KLHL4: variants seen among roughly 807,000 people sequenced by gnomAD.
The protein encoded by KLHL4 is kelch like family member 4.
Under a neutral mutation model 45.8 loss-of-function variants are expected in KLHL4, and 17 were observed. That is an observed-to-expected ratio of 0.37 (90% CI 0.25 to 0.56). KLHL4 has a LOEUF of 0.56. Ranked by LOEUF, KLHL4 falls within the 20% of genes least tolerant of loss-of-function variation. The pLI is 0.79. For synonymous variants in KLHL4, 224 were observed against 189.9 expected (o/e 1.18, Z -1.47); for missense variants, 544 against 544.9 (o/e 1.00, Z 0.02).
intron 1 of KLHL4, among the ~76,000 whole-genome samples, chrX:87,539,736 C>T (rs1931511730): frequency 9.0e-6 from 1 of 110,980 alleles, no homozygotes; most frequent in Non-Finnish European, 1.9e-5. Flanking sequence ...TAATGCACAT[C>T]CTAACATGCA....
In KLHL4 at chrX:87,668,176, C is replaced by T. The variant is rs1924435372; in HGVS notation, c.*1642C>T. 1 of 747,827 alleles carries T rather than the reference C, an allele frequency of 1.3e-6. No individual in the cohort carries two copies. The highest frequency in any genetic ancestry group is 2.3e-5 in the African/African-American group (1 of 43,199). 61.6% of individuals were successfully genotyped at this position (747,827 alleles called of 1,213,427 possible). On this transcript the variant is annotated 3_prime_UTR_variant, in exon 11 of 11. Transcript: ENST00000373119. ...AGCCCTGTTAGGTCTTTTGAATTCA[C>T]ACCTTATTGAAATCAGTGTAGAAGT...
At position 87,614,457 on chromosome X, in the gene KLHL4, A is replaced by G; in HGVS notation, c.614A>G (p.Asp205Gly). ...AHRLVLSAVS[D>G]YFAAMFTNDV... ...AGGTTGGTTCTCAGCGCAGTGTCTG[A>G]TTATTTTGCTGCAATGTTTACTAAT... Residue 205 changes from aspartate to glycine, a missense_variant, in exon 3 of 11, where the codon GAT becomes GGT. Physicochemically the swap from Asp to Gly is moderately conservative, Grantham distance 94 (BLOSUM62 -1). Coordinates refer to ENST00000373119, the MANE Select transcript of KLHL4 (RefSeq NM_019117.5). 1 of 1,208,899 alleles carries G rather than the reference A, an allele frequency of 8.3e-7. No homozygotes were observed. The highest frequency in any genetic ancestry group is 1.1e-6 in the Non-Finnish European group (1 of 893,570).
intron 1 of KLHL4, among the ~76,000 whole-genome samples, chrX:87,594,970 A>T (rs752120452): frequency 9.1e-6 from 1 of 110,128 alleles, no homozygotes; most frequent in East Asian, 2.9e-4. Flanking sequence ...GCTTTGTTCC[A>T]GGGGGTAGTA....
chrX:87,531,568 T>C (rs1165661647), intron 1 of KLHL4, among the ~76,000 whole-genome samples: 2 of 107,514 alleles, frequency 1.9e-5, no homozygotes, highest in African/African-American at 3.4e-5. Context: ...GACATGATTG[T>C]ATATCTAGAA....
At chrX:87,520,274 G>A (rs207478544) in intron 1 of KLHL4, among the ~76,000 whole-genome samples, 2 of 112,168 alleles carry the variant, frequency 1.8e-5, no homozygotes, top group African/African-American at 6.5e-5. Flanking sequence ...CAATATTGAG[G>A]AGCAGGAAGA....
chrX:87,664,180 A>T (rs1278411388), intron 9 of KLHL4, among the ~76,000 whole-genome samples: 1 of 111,795 alleles, frequency 8.9e-6, no homozygotes, highest in Non-Finnish European at 1.9e-5. Context: ...TTAACTTCAG[A>T]TTAAAATAGA....
intron 1 of KLHL4, among the ~76,000 whole-genome samples, chrX:87,531,096 T>C (rs1361665783): frequency 2.7e-5 from 3 of 111,556 alleles, no homozygotes; most frequent in South Asian, 3.7e-4. Context: ...TCATGTCCTT[T>C]GCCCACTTTT....
chrX:87,566,063 A>AC, intron 1 of KLHL4, among the ~76,000 whole-genome samples: 1 of 102,340 alleles, frequency 9.8e-6, no homozygotes, highest in Non-Finnish European at 2.0e-5. Flanking sequence ...CACGTTCTGC[A>AC]CATGTATCCC....
At chrX:87,572,940 A>G (rs1233167082) in intron 1 of KLHL4, among the ~76,000 whole-genome samples, 2 of 111,471 alleles carry the variant, frequency 1.8e-5, no homozygotes, top group Non-Finnish European at 3.8e-5. Context: ...TATGTTATTC[A>G]AAGGACAATT....
Position 87,667,008 on chromosome X carries a change from A to G in KLHL4, c.*474A>G, listed in dbSNP as rs1312085217. ...ATAGTGTGATTTTTAGTAAGCCATT[A>G]TTCTCCTATTCAAATAATATCCCAA... On this transcript the variant is annotated 3_prime_UTR_variant, in exon 11 of 11. Coordinates refer to ENST00000373119, the MANE Select transcript of KLHL4 (RefSeq NM_019117.5). 4.2e-6 allele frequency: 3 copies of G among 719,714 alleles called. No individual in the cohort carries two copies. Among genetic ancestry groups the G allele is most frequent in the Non-Finnish European group, 4.9e-6 (3 of 609,213 alleles). 59.3% of individuals were successfully genotyped at this position (719,714 alleles called of 1,213,427 possible).
At chrX:87,654,833 C>T (rs1345265782) in intron 9 of KLHL4, among the ~76,000 whole-genome samples, 1 of 111,692 alleles carries the variant, frequency 9.0e-6, no homozygotes, top group African/African-American at 3.3e-5. Flanking sequence ...TTATTAATAG[C>T]CATTTTTACT....
intron 1 of KLHL4, among the ~76,000 whole-genome samples, chrX:87,559,655 T>G (rs1932053391): frequency 9.0e-6 from 1 of 111,595 alleles, no homozygotes; most frequent in African/African-American, 3.3e-5. Context: ...CCGAAACAAC[T>G]ACTCTATTGA....
chrX:87,528,957 G>T (rs773369320), intron 1 of KLHL4, among the ~76,000 whole-genome samples: 12 of 109,746 alleles, frequency 1.1e-4, no homozygotes, highest in Non-Finnish European at 1.9e-4. Flanking sequence ...CAAAAGGTAA[G>T]CACCAAATCA....
At chrX:87,611,026 A>G (rs1449037877) in intron 1 of KLHL4, among the ~76,000 whole-genome samples, 4 of 111,401 alleles carry the variant, frequency 3.6e-5, no homozygotes, top group Non-Finnish European at 7.5e-5. Context: ...GTGAGCCAAG[A>G]TCAGGCCATT....
In KLHL4 at chrX:87,668,512, C is replaced by G. The variant is rs377363400; in HGVS notation, c.*1978C>G. The G allele has an allele frequency of 2.7e-6, 2 of 747,201 alleles. No homozygotes were observed. Among genetic ancestry groups the G allele is most frequent in the East Asian group, 3.1e-4 (2 of 6,519 alleles). The allele number at this position is 747,201 out of a possible 1,213,427, so 61.6% of individuals were successfully genotyped here. A position where few individuals can be genotyped will look rare whatever the true frequency, so the allele number is the denominator to read the frequency against. On this transcript the variant is annotated 3_prime_UTR_variant, in exon 11 of 11. Transcript: ENST00000373119. ...AAAAATGGTGTTCAGGCCACTATGG[C>G]TGCTGTGGTTTGAATATTTTTTTCC... is the stretch of plus-strand genomic sequence containing the variant.
chrX:87,586,194 C>A (rs1921465454), intron 1 of KLHL4, among the ~76,000 whole-genome samples: 1 of 110,602 alleles, frequency 9.0e-6, no homozygotes, highest in African/African-American at 3.3e-5. Context: ...CTTCAACACC[C>A]CACTTTCAGC....
At chrX:87,603,635 A>T (rs1416058684) in intron 1 of KLHL4, among the ~76,000 whole-genome samples, 1 of 111,335 alleles carries the variant, frequency 9.0e-6, no homozygotes, top group Non-Finnish European at 1.9e-5. Flanking sequence ...TATATGTTAT[A>T]TAATGATCAA....
At chrX:87,552,997 G>A (rs1158359033) in intron 1 of KLHL4, among the ~76,000 whole-genome samples, 1 of 111,013 alleles carries the variant, frequency 9.0e-6, no homozygotes, top group Non-Finnish European at 1.9e-5. Context: ...TGCTTGAGGG[G>A]ATGGACACCC....
chrX:87,649,834 T>G (rs1221108607), intron 9 of KLHL4, among the ~76,000 whole-genome samples: 8 of 111,238 alleles, frequency 7.2e-5, no homozygotes, highest in Non-Finnish European at 1.5e-4. Context: ...ATGTAAGGGT[T>G]TATTTCTGGG....
Sources: gnomAD v4.1 joint callset for allele counts (sites outside exome capture counted in the v4.1 genomes callset) on GRCh38, gnomAD v4.1.1 for gene constraint, MANE v1.5 for transcripts, NCBI Gene and HGNC (gene_info 2026-07-23, HGNC 2026-07-21) for gene names.